Variants in PDE10A observed in about 807,000 individuals in gnomAD.
PDE10A encodes cAMP and cAMP-inhibited cGMP 3',5'-cyclic phosphodiesterase 10A.
Under a neutral mutation model 97.7 loss-of-function variants are expected in PDE10A, and 39 were observed. That is an observed-to-expected ratio of 0.40 (90% CI 0.31 to 0.52). PDE10A has a LOEUF of 0.52. PDE10A is among the 20% of genes least tolerant of loss of function. The pLI is 0.56. For missense variants in PDE10A, 731 were observed against 1,047.8 expected (o/e 0.70, Z 4.17); for synonymous variants, 371 against 376.8 (o/e 0.98, Z 0.18).
At chr6:165,596,458 G>A (rs1053212709) in intron 1 of PDE10A, among the ~76,000 whole-genome samples, 4 of 152,214 alleles carry the variant, frequency 2.6e-5, no homozygotes, top group African/African-American at 9.7e-5. Context: ...ACCAGGTGCA[G>A]CAGTTTATAC....
chr6:165,674,760 A>G (rs1790747887), intron 1 of PDE10A, among the ~76,000 whole-genome samples: 2 of 151,582 alleles, frequency 1.3e-5, no homozygotes, highest in African/African-American at 2.4e-5. Context: ...CAGAATGTGT[A>G]CATAGTCAGT....
At chr6:165,585,674 G>C (rs1164301323) in intron 1 of PDE10A, among the ~76,000 whole-genome samples, 3 of 152,256 alleles carry the variant, frequency 2.0e-5, no homozygotes, top group Non-Finnish European at 2.9e-5. Flanking sequence ...CCAATACCCT[G>C]ATTCCAGACT....
chr6:165,440,720 T>C (rs1226018563), intron 5 of PDE10A, among the ~76,000 whole-genome samples: 2 of 152,194 alleles, frequency 1.3e-5, no homozygotes, highest in Non-Finnish European at 2.9e-5. Context: ...TAGTTGCTCA[T>C]GTTTATAAAT....
chr6:165,734,546 G>C (rs1467163176), intron 1 of PDE10A, among the ~76,000 whole-genome samples: 1 of 152,072 alleles, frequency 6.6e-6, no homozygotes, highest in Non-Finnish European at 1.5e-5. Context: ...ATGTGAAAAA[G>C]AACCAAATAA....
At chr6:165,530,025 C>T (rs1467982282) in intron 2 of PDE10A, among the ~76,000 whole-genome samples, 4 of 151,998 alleles carry the variant, frequency 2.6e-5, no homozygotes, top group African/African-American at 4.8e-5. Context: ...AGCTGGTGGG[C>T]ACCATCTAAT....
At chr6:165,767,232 A>C (rs1777877930) in intron 1 of PDE10A, among the ~76,000 whole-genome samples, 1 of 152,246 alleles carries the variant, frequency 6.6e-6, no homozygotes, top group Admixed American at 6.5e-5. Context: ...TAAAGAGAGC[A>C]ACCAAGAGTT....
At chr6:165,659,291 G>A (rs1444694632) in intron 1 of PDE10A, among the ~76,000 whole-genome samples, 1 of 151,608 alleles carries the variant, frequency 6.6e-6, no homozygotes, top group East Asian at 1.9e-4. Context: ...AAAAAAAAAA[G>A]GAATGACACT....
chr6:165,718,948 G>T (rs1337020471), intron 1 of PDE10A, among the ~76,000 whole-genome samples: 1 of 152,042 alleles, frequency 6.6e-6, no homozygotes, highest in African/African-American at 2.4e-5. Context: ...AGAGGAAAAA[G>T]AAAAGATATT....
At position 165,691,203 on chromosome 6, in the gene PDE10A, C is replaced by CCCCA. The variant is rs1420406569; in HGVS notation, c.-614-147636_-614-147635insTGGG. On this transcript the variant is annotated intron_variant, in intron 1 of 19. Transcript: ENST00000366882. ...TCTCTCTCTCCCTCTCTCTCTCTCC[C>CCCCA]CACACACACACACACACACACACAC... Among the ~76,000 whole-genome samples, 66 of 108,660 alleles carry CCCCA rather than the reference C, an allele frequency of 6.1e-4. 2 individuals carry two copies. The South Asian group carries it at 0.02, about 32-fold the overall frequency. The allele number at this position is 108,660 out of a possible 152,430, so 71.3% of individuals were successfully genotyped here. A position where few individuals can be genotyped will look rare whatever the true frequency, so the allele number is the denominator to read the frequency against.
chr6:165,622,897 T>G (rs992936694), intron 1 of PDE10A, among the ~76,000 whole-genome samples: 5 of 152,132 alleles, frequency 3.3e-5, no homozygotes, highest in African/African-American at 1.2e-4. Context: ...CTCATGACTT[T>G]GTGCTGTCTT....
At chr6:165,527,457 G>C (rs1393049013) in intron 2 of PDE10A, among the ~76,000 whole-genome samples, 1 of 152,168 alleles carries the variant, frequency 6.6e-6, no homozygotes, top group Non-Finnish European at 1.5e-5. Flanking sequence ...GGTCCCCATA[G>C]GTGAACCACA....
At chr6:165,829,664 A>T (rs1186170882) in intron 1 of PDE10A, among the ~76,000 whole-genome samples, 1 of 152,132 alleles carries the variant, frequency 6.6e-6, no homozygotes, top group Non-Finnish European at 1.5e-5. Context: ...CTCTCGATAA[A>T]CTGCCGGTCC....
chr6:165,657,884 TG>T (rs1790045386), intron 1 of PDE10A, among the ~76,000 whole-genome samples: 1 of 152,256 alleles, frequency 6.6e-6, no homozygotes, highest in Non-Finnish European at 1.5e-5. Context: ...GTCCACACCC[TG>T]GCTCTGCCGG....
At chr6:165,698,707 A>C (rs915406177) in intron 1 of PDE10A, among the ~76,000 whole-genome samples, 2 of 151,988 alleles carry the variant, frequency 1.3e-5, no homozygotes, top group Non-Finnish European at 2.9e-5. Flanking sequence ...AAAATTAGCC[A>C]GACGTGGCGG....
At chr6:165,465,015 T>C (rs919748272) in intron 3 of PDE10A, among the ~76,000 whole-genome samples, 6 of 152,248 alleles carry the variant, frequency 3.9e-5, no homozygotes, top group African/African-American at 1.4e-4. Context: ...CAATTACCTT[T>C]AGCAAATTCA....
At chr6:165,983,917 G>A (rs1043110089) in intron 1 of PDE10A, among the ~76,000 whole-genome samples, 12 of 152,212 alleles carry the variant, frequency 7.9e-5, no homozygotes, top group South Asian at 4.1e-4. Context: ...TTGTGAAAGC[G>A]TGCACAGCCG....
chr6:165,854,331 ACCCAGGGACTCGAGCAGGTGGT>A (rs2128475325), intron 1 of PDE10A, among the ~76,000 whole-genome samples: 1 of 152,192 alleles, frequency 6.6e-6, no homozygotes, highest in African/African-American at 2.4e-5. Flanking sequence ...TGGCACAGGG[ACCCAGGGACTCGAGCAGGTGGT>A]CCCTGGGGAA....
At chr6:165,963,286 T>C (rs1784411121) in intron 1 of PDE10A, among the ~76,000 whole-genome samples, 1 of 152,220 alleles carries the variant, frequency 6.6e-6, no homozygotes, top group Non-Finnish European at 1.5e-5. Context: ...ATCTGTCTTA[T>C]TTACTAATGA....
intron 12 of PDE10A, among the ~76,000 whole-genome samples, chr6:165,415,416 T>C (rs958580118): frequency 1.3e-5 from 2 of 152,194 alleles, no homozygotes; most frequent in Admixed American, 6.5e-5. Context: ...GTCAAACTAC[T>C]GTAAATATTA....
Sources: gnomAD v4.1 joint callset for allele counts (sites outside exome capture counted in the v4.1 genomes callset) on GRCh38, gnomAD v4.1.1 for gene constraint, MANE v1.5 for transcripts, NCBI Gene and HGNC (gene_info 2026-07-23, HGNC 2026-07-21) for gene names.